The following TAFA1 variants were observed in gnomAD, a reference collection of about 807,000 sequenced individuals.
TAFA1 encodes the protein TAFA chemokine like family member 1.
A neutral mutation model predicts 18.5 loss-of-function variants in TAFA1; 4 were observed. The ratio of observed to expected loss-of-function variants is 0.22; its 90% CI spans 0.11 to 0.49. The LOEUF (loss-of-function observed/expected upper bound fraction) is 0.49, where lower values mean the gene tolerates loss of function less well. Ranked by LOEUF, TAFA1 falls within the 20% of genes least tolerant of loss-of-function variation. The pLI is 0.98. For missense variants in TAFA1, 147 were observed against 169.0 expected, an observed-to-expected ratio of 0.87 and a Z score of 0.72; for synonymous variants, 56 against 55.2, an observed-to-expected ratio of 1.01 and a Z score of -0.06.
chr3:68,295,487 G>T (rs925230920), intron 2 of TAFA1, among the ~76,000 whole-genome samples: 2 of 151,956 alleles, frequency 1.3e-5, no homozygotes, highest in Non-Finnish European at 2.9e-5. Flanking sequence ...CTGTGTGTCT[G>T]TGTGTGTGTG....
intron 2 of TAFA1, among the ~76,000 whole-genome samples, chr3:68,367,979 T>C (rs1469517154): frequency 6.6e-6 from 1 of 152,202 alleles, no homozygotes; most frequent in Non-Finnish European, 1.5e-5. Flanking sequence ...TTAACTCAAA[T>C]GCAAACAGCT....
intron 3 of TAFA1, among the ~76,000 whole-genome samples, chr3:68,511,338 G>A (rs1333587269): frequency 6.6e-6 from 1 of 152,072 alleles, no homozygotes; most frequent in Non-Finnish European, 1.5e-5. Flanking sequence ...GTTGCCATAA[G>A]TGTTATTAAC....
intron 3 of TAFA1, among the ~76,000 whole-genome samples, chr3:68,499,017 T>A (rs867930446): frequency 3.9e-5 from 6 of 152,104 alleles, no homozygotes; most frequent in African/African-American, 1.4e-4. Context: ...CAACAGTCTT[T>A]TCCCTTTATC....
intron 2 of TAFA1, among the ~76,000 whole-genome samples, chr3:68,182,616 A>G (rs1463118619): frequency 6.6e-6 from 1 of 152,144 alleles, no homozygotes; most frequent in Non-Finnish European, 1.5e-5. Context: ...AACATCCAAC[A>G]CCCCTTTAAA....
intron 3 of TAFA1, among the ~76,000 whole-genome samples, chr3:68,513,171 A>G (rs1170226401): frequency 6.6e-6 from 1 of 152,152 alleles, no homozygotes; most frequent in Non-Finnish European, 1.5e-5. Context: ...AGTGGTGAAC[A>G]TAAGACATGA....
chr3:68,401,206 A>G (rs1322516498), intron 2 of TAFA1, among the ~76,000 whole-genome samples: 1 of 152,190 alleles, frequency 6.6e-6, no homozygotes, highest in East Asian at 1.9e-4. Flanking sequence ...GAAGTGTCAC[A>G]GACCCAATCA....
chr3:68,136,981 A>G (rs2065615838), intron 2 of TAFA1, among the ~76,000 whole-genome samples: 1 of 152,218 alleles, frequency 6.6e-6, no homozygotes, highest in East Asian at 1.9e-4. Context: ...TGGCTGAGGG[A>G]AAAATCTCAG....
intron 2 of TAFA1, among the ~76,000 whole-genome samples, chr3:68,303,076 A>G (rs2068334886): frequency 6.6e-6 from 1 of 152,190 alleles, no homozygotes; most frequent in South Asian, 2.1e-4. Context: ...TACATAAAAA[A>G]TGCTCAATAA....
chr3:68,030,120 A>G (rs893667430), intron 2 of TAFA1, among the ~76,000 whole-genome samples: 15 of 152,210 alleles, frequency 9.9e-5, no homozygotes, highest in African/African-American at 3.1e-4. Flanking sequence ...TACTTAAAAT[A>G]TCATGAGAAT....
chr3:68,362,446 C>T (rs1386883968), intron 2 of TAFA1, among the ~76,000 whole-genome samples: 1 of 152,014 alleles, frequency 6.6e-6, no homozygotes, highest in Non-Finnish European at 1.5e-5. Context: ...GGAAACAGCA[C>T]AGGCAAAAAC....
At chr3:68,330,523 A>AATT (rs1251767070) in intron 2 of TAFA1, among the ~76,000 whole-genome samples, 1 of 152,174 alleles carries the variant, frequency 6.6e-6, no homozygotes, top group East Asian at 1.9e-4. Flanking sequence ...TAGAAATGAC[A>AATT]ATTTATTGAG....
At chr3:68,054,686 A>C (rs2106711123) in intron 2 of TAFA1, among the ~76,000 whole-genome samples, 1 of 152,328 alleles carries the variant, frequency 6.6e-6, no homozygotes, top group African/African-American at 2.4e-5. Flanking sequence ...CATAGCACAT[A>C]CTGTATGGCC....
At chr3:68,013,986 G>T (rs1575573925) in intron 2 of TAFA1, among the ~76,000 whole-genome samples, 1 of 152,140 alleles carries the variant, frequency 6.6e-6, no homozygotes, top group South Asian at 2.1e-4. Flanking sequence ...ACATCCTTAG[G>T]TGTGGCATTG....
At chr3:68,025,459 A>G (rs187240011) in intron 2 of TAFA1, among the ~76,000 whole-genome samples, 5 of 152,282 alleles carry the variant, frequency 3.3e-5, no homozygotes, top group African/African-American at 4.8e-5. Flanking sequence ...TGGTGAGGTT[A>G]AAAAGTTAGT....
At chr3:68,205,972 A>C (rs577375226) in intron 2 of TAFA1, among the ~76,000 whole-genome samples, 5 of 151,896 alleles carry the variant, frequency 3.3e-5, no homozygotes, top group Non-Finnish European at 7.4e-5. Context: ...AGTCACCATG[A>C]CATAGTCACC....
chr3:68,498,329 C>T (rs1016566701), intron 3 of TAFA1, among the ~76,000 whole-genome samples: 2 of 152,108 alleles, frequency 1.3e-5, no homozygotes, highest in African/African-American at 4.8e-5. Flanking sequence ...TTGAGCCAGG[C>T]ACTGGGGATG....
rs1427105526 is a variant in TAFA1 at position 68,047,663 on chromosome 3, G to A, written c.118+40919G>A. 2.0e-5 allele frequency among the ~76,000 whole-genome samples: 3 copies of A among 152,108 alleles called. No individual in the cohort carries two copies. In the East Asian group the frequency reaches 5.8e-4, roughly 29 times the overall value. Reference sequence around the variant, plus strand: ...TCAAGTTATTGTAAGTAATGAAGGGGAGGGATATATTGGCAATATTTACAT... The same window carrying A: ...TCAAGTTATTGTAAGTAATGAAGGGAAGGGATATATTGGCAATATTTACAT... On this transcript the variant is annotated intron_variant, in intron 2 of 4. Coordinates refer to ENST00000478136, the MANE Select transcript of TAFA1 (RefSeq NM_213609.4).
intron 2 of TAFA1, among the ~76,000 whole-genome samples, chr3:68,128,435 C>A (rs756262561): frequency 6.6e-6 from 1 of 152,152 alleles, no homozygotes; most frequent in Non-Finnish European, 1.5e-5. Flanking sequence ...ATTAAGTAGA[C>A]AAGTAACTCA....
chr3:68,340,827 AG>A (rs1299379607), intron 2 of TAFA1, among the ~76,000 whole-genome samples: 1 of 152,214 alleles, frequency 6.6e-6, no homozygotes. Context: ...CAATTTAATG[AG>A]GAAGACAGAA....
Sources: gnomAD v4.1 joint callset for allele counts (sites outside exome capture counted in the v4.1 genomes callset) on GRCh38, gnomAD v4.1.1 for gene constraint, MANE v1.5 for transcripts, NCBI Gene and HGNC (gene_info 2026-07-23, HGNC 2026-07-21) for gene names.